Variants in FGGY observed in about 807,000 individuals in gnomAD.
FGGY encodes the protein FGGY carbohydrate kinase domain containing.
FGGY carries 72 observed loss-of-function variants against 71.3 expected under a neutral mutation model. The observed-to-expected ratio is 1.01, with a 90% CI of 0.84 to 1.23. FGGY has a LOEUF of 1.23. FGGY is among the 50% of genes most tolerant of loss of function. The pLI is 0.00. For synonymous variants in FGGY, 251 were observed against 250.3 expected, an observed-to-expected ratio of 1.00 and a Z score of -0.02; for missense variants, 668 against 682.3, an observed-to-expected ratio of 0.98 and a Z score of 0.23.
At chr1:59,382,661 T>A (rs1294544865) in intron 5 of FGGY, among the ~76,000 whole-genome samples, 1 of 152,190 alleles carries the variant, frequency 6.6e-6, no homozygotes, top group African/African-American at 2.4e-5. Context: ...TCATTGTACA[T>A]CCGTGAAAGA....
intron 1 of FGGY, among the ~76,000 whole-genome samples, chr1:59,318,364 G>T (rs1557524860): frequency 6.6e-6 from 1 of 152,186 alleles, no homozygotes; most frequent in Non-Finnish European, 1.5e-5. Flanking sequence ...CCTGCTGTAT[G>T]CCAGGCACTG....
chr1:59,616,396 C>G (rs1428472252), intron 9 of FGGY, among the ~76,000 whole-genome samples: 1 of 152,116 alleles, frequency 6.6e-6, no homozygotes, highest in African/African-American at 2.4e-5. Context: ...AAACCAGACA[C>G]TGCATGTTCT....
chr1:59,386,235 C>T (rs542376599), intron 5 of FGGY, among the ~76,000 whole-genome samples: 7 of 152,206 alleles, frequency 4.6e-5, no homozygotes, highest in African/African-American at 1.2e-4. Context: ...CATTTAGTCA[C>T]GCCTTCTCAG....
rs115297840 is a variant in FGGY at position 59,679,347 on chromosome 1, G to A, written c.1512+5214G>A. On this transcript the variant is annotated intron_variant, in intron 14 of 15. Transcript: ENST00000303721. ...TTAGCTCTATTTGGCTTTCTGTCACGATAAATAACAGTTTTGCTATTTGCA... is the reference window on the plus strand; with the variant it reads ...TTAGCTCTATTTGGCTTTCTGTCACAATAAATAACAGTTTTGCTATTTGCA... Among the ~76,000 whole-genome samples, 499 of 151,352 alleles carry A rather than the reference G, an allele frequency of 3.3e-3. 1 individual carries two copies. Among genetic ancestry groups the A allele is most frequent in the African/African-American group, 0.012 (475 of 41,208 alleles).
intron 2 of FGGY, among the ~76,000 whole-genome samples, chr1:59,324,308 G>A (rs1371555758): frequency 1.4e-4 from 15 of 108,228 alleles, no homozygotes; most frequent in Non-Finnish European, 2.5e-4. Context: ...ACGGAGTCTC[G>A]CTCTGTCGCC....
intron 4 of FGGY, among the ~76,000 whole-genome samples, chr1:59,349,035 C>T (rs182413430): frequency 3.1e-4 from 47 of 152,206 alleles, no homozygotes; most frequent in East Asian, 5.8e-4. Flanking sequence ...AACTGTTCTG[C>T]GCTGCCCGGT....
intron 14 of FGGY, among the ~76,000 whole-genome samples, chr1:59,682,442 G>A (rs1353942284): frequency 6.6e-6 from 1 of 152,218 alleles, no homozygotes; most frequent in East Asian, 1.9e-4. Context: ...AAGAGGGACT[G>A]TTTACAAAAT....
intron 2 of FGGY, among the ~76,000 whole-genome samples, chr1:59,337,949 G>A (rs953531979): frequency 6.6e-6 from 1 of 152,192 alleles, no homozygotes; most frequent in Non-Finnish European, 1.5e-5. Context: ...ATGGGGGAAA[G>A]CATTCATGTT....
intron 6 of FGGY, among the ~76,000 whole-genome samples, chr1:59,509,743 C>T (rs965552215): frequency 3.3e-5 from 5 of 152,202 alleles, no homozygotes; most frequent in Non-Finnish European, 7.3e-5. Context: ...CTCTCTCTGC[C>T]TCGCAGTGGT....
chr1:59,479,454 A>G (rs2093390353), intron 6 of FGGY, among the ~76,000 whole-genome samples: 2 of 152,212 alleles, frequency 1.3e-5, no homozygotes, highest in African/African-American at 4.8e-5. Context: ...AGAAGGGAGA[A>G]TCAGTACTGT....
chr1:59,579,010 C>T (rs958975674), intron 8 of FGGY, among the ~76,000 whole-genome samples: 1 of 152,114 alleles, frequency 6.6e-6, no homozygotes, highest in African/African-American at 2.4e-5. Flanking sequence ...CATTCCTCCC[C>T]TCCCACTCTC....
At chr1:59,639,073 G>A (rs577081560) in intron 11 of FGGY, among the ~76,000 whole-genome samples, 1 of 152,234 alleles carries the variant, frequency 6.6e-6, no homozygotes, top group African/African-American at 2.4e-5. Flanking sequence ...GCCAGGTGAG[G>A]CCACAAATAA....
chr1:59,463,623 C>A (rs554229383), intron 6 of FGGY, among the ~76,000 whole-genome samples: 1 of 150,718 alleles, frequency 6.6e-6, no homozygotes, highest in Admixed American at 6.6e-5. Context: ...ACCCGTCTCA[C>A]GTGCAGAGAC....
intron 6 of FGGY, among the ~76,000 whole-genome samples, chr1:59,505,086 G>A (rs752953258): frequency 1.3e-5 from 2 of 152,204 alleles, no homozygotes; most frequent in African/African-American, 4.8e-5. Flanking sequence ...TTAAAAATAT[G>A]TGTGTGTTTC....
At chr1:59,524,715 A>G (rs1451967633) in intron 7 of FGGY, among the ~76,000 whole-genome samples, 1 of 151,994 alleles carries the variant, frequency 6.6e-6, no homozygotes, top group Non-Finnish European at 1.5e-5. Context: ...ACACTCATCT[A>G]GACGACCTGC....
chr1:59,564,495 C>G (rs2095844680), intron 8 of FGGY, among the ~76,000 whole-genome samples: 2 of 152,142 alleles, frequency 1.3e-5, no homozygotes, highest in African/African-American at 4.8e-5. Flanking sequence ...GCCTGGGGGG[C>G]CCATGTTTCA....
chr1:59,407,818 C>T (rs574425624), intron 5 of FGGY, among the ~76,000 whole-genome samples: 1 of 152,292 alleles, frequency 6.6e-6, no homozygotes, highest in African/African-American at 2.4e-5. Flanking sequence ...ACAGAAAGGC[C>T]TTCAGAGCTG....
intron 6 of FGGY, among the ~76,000 whole-genome samples, chr1:59,470,530 C>T (rs2092887443): frequency 1.3e-5 from 2 of 152,188 alleles, no homozygotes; most frequent in African/African-American, 4.8e-5. Context: ...AGGGATCCAG[C>T]TAAGTGATTC....
chr1:59,424,773 A>G (rs1012166317), intron 5 of FGGY, among the ~76,000 whole-genome samples: 15 of 152,148 alleles, frequency 9.9e-5, no homozygotes, highest in Admixed American at 9.2e-4. Flanking sequence ...GAATAAATGG[A>G]TGGTAGGCAC....
Sources: allele counts gnomAD v4.1 joint callset (sites outside exome capture counted in the v4.1 genomes callset), GRCh38; gene constraint gnomAD v4.1.1; transcripts MANE v1.5; gene names NCBI Gene and HGNC (gene_info 2026-07-23, HGNC 2026-07-21).